The following FRMD4B variants were observed in gnomAD, a reference collection of about 807,000 sequenced individuals.
The protein encoded by FRMD4B is FERM domain-containing protein 4B.
Under a neutral mutation model 141.5 loss-of-function variants are expected in FRMD4B, and 74 were observed. The ratio of observed to expected loss-of-function variants is 0.52; its 90% CI spans 0.43 to 0.63. The LOEUF (loss-of-function observed/expected upper bound fraction) is 0.63. Ranked by LOEUF, FRMD4B falls within the 30% of genes least tolerant of loss-of-function variation. The pLI is 0.00. For synonymous variants in FRMD4B, 506 were observed against 467.9 expected (o/e 1.08, Z -1.05); for missense variants, 1,366 against 1,253.4 (o/e 1.09, Z -1.36).
chr3:69,518,879 CTT>C (rs1372982175), intron 1 of FRMD4B, among the ~76,000 whole-genome samples: 1 of 152,174 alleles, frequency 6.6e-6, no homozygotes, highest in Non-Finnish European at 1.5e-5. Context: ...TGGATGGACT[CTT>C]TGCAAAGAGT....
intron 1 of FRMD4B, among the ~76,000 whole-genome samples, chr3:69,538,578 C>A (rs1701118190): frequency 6.6e-6 from 1 of 152,028 alleles, no homozygotes; most frequent in Non-Finnish European, 1.5e-5. Context: ...TGGTAGTAAC[C>A]CACTAAATGG....
At chr3:69,222,037 C>T (rs1486751684) in intron 8 of FRMD4B, 114 bp from the exon 9 acceptor site, 7 of 685,860 alleles carry the variant, frequency 1.0e-5, no homozygotes, top group Admixed American at 6.5e-5. Flanking sequence ...CCTTCACCAA[C>T]TTGTTTGGTA....
chr3:69,535,335 G>A (rs1335345567), intron 1 of FRMD4B, among the ~76,000 whole-genome samples: 1 of 152,236 alleles, frequency 6.6e-6, no homozygotes, highest in Non-Finnish European at 1.5e-5. Context: ...TTCCTTGGCT[G>A]TACAGTGAGG....
chr3:69,375,242 CCCATCCATCCATCCACCCCATCCCAT>C lies in FRMD4B; in HGVS notation c.162+10560_162+10585del, dbSNP rs1354904853. ...CATCCCATCCATCCATCCACCCCATCCCATCCATCCATCCACCCCATCCCATCCATCCATCCATCCATCCATCCATC... is the reference window on the plus strand; with the variant it reads ...CATCCCATCCATCCATCCACCCCATCCCATCCATCCATCCATCCATCCATC... On this transcript the variant is annotated intron_variant, in intron 1 of 22. Transcript: ENST00000398540. Among the ~76,000 whole-genome samples the C allele has an allele frequency of 9.5e-3, 367 of 38,484 alleles. 4 individuals are homozygous for C. Among genetic ancestry groups the C allele is most frequent in the East Asian group, 0.021 (14 of 680 alleles). 25.2% of individuals were successfully genotyped at this position (38,484 alleles called of 152,430 possible). A position where few individuals can be genotyped will look rare whatever the true frequency, so the allele number is the denominator to read the frequency against.
intron 2 of FRMD4B, among the ~76,000 whole-genome samples, chr3:69,404,789 G>T (rs1208940220): frequency 6.6e-6 from 1 of 152,138 alleles, no homozygotes; most frequent in Non-Finnish European, 1.5e-5. Context: ...CAGTCAGATG[G>T]TTCAGAACCC....
At chr3:69,268,048 C>T (rs1424360406) in intron 5 of FRMD4B, among the ~76,000 whole-genome samples, 2 of 151,866 alleles carry the variant, frequency 1.3e-5, no homozygotes, top group Non-Finnish European at 2.9e-5. Flanking sequence ...AACTTTCCTC[C>T]CAATTCTTAT....
At chr3:69,285,033 C>T (rs1013760913) in intron 5 of FRMD4B, among the ~76,000 whole-genome samples, 2 of 152,018 alleles carry the variant, frequency 1.3e-5, no homozygotes, top group Non-Finnish European at 2.9e-5. Flanking sequence ...TGTGTTGGCA[C>T]ATGCCTGTAA....
chr3:69,418,741 C>T (rs531914015), intron 2 of FRMD4B, among the ~76,000 whole-genome samples: 59 of 152,100 alleles, frequency 3.9e-4, no homozygotes, highest in Non-Finnish European at 7.4e-4. Flanking sequence ...TAGCTCTGGC[C>T]AACATCTTAA....
At position 69,296,517 on chromosome 3, in the gene FRMD4B, G is replaced by A. The variant is rs1041485804; in HGVS notation, c.416+5826C>T. On this transcript the variant is annotated intron_variant, in intron 4 of 22. Coordinates refer to ENST00000398540, the MANE Select transcript of FRMD4B (RefSeq NM_015123.3). ...TAGGCTGGGCCAGTTAGGGGTCATG[G>A]GTGATACTGAGGCAACTGGCCTTTG... is the stretch of plus-strand genomic sequence containing the variant. 3.9e-5 allele frequency among the ~76,000 whole-genome samples: 6 copies of A among 152,246 alleles called. No individual in the cohort carries two copies. In the East Asian group the frequency reaches 1.2e-3, roughly 29 times the overall value.
At chr3:69,225,812 A>G (rs907604087) in intron 7 of FRMD4B, among the ~76,000 whole-genome samples, 3 of 151,790 alleles carry the variant, frequency 2.0e-5, no homozygotes, top group Admixed American at 2.0e-4. Flanking sequence ...GACATAATCT[A>G]TGAGGAAATG....
chr3:69,234,244 C>CAA (rs34192296), intron 7 of FRMD4B, among the ~76,000 whole-genome samples: 49 of 75,272 alleles, frequency 6.5e-4, no homozygotes, highest in African/African-American at 1.8e-3. Context: ...GACCCTGTCT[C>CAA]AAAAAAAAAA....
rs115895126 is a variant in FRMD4B at position 69,418,082 on chromosome 3, T to C, written c.-1+14552A>G. Among the ~76,000 whole-genome samples, 532 of 152,318 alleles carry C rather than the reference T, an allele frequency of 3.5e-3. 2 individuals are homozygous for C. Among genetic ancestry groups the C allele is most frequent in the Middle Eastern group, 0.01 (3 of 294 alleles). On this transcript the variant is annotated intron_variant, in intron 2 of 5. Transcript: ENST00000459638. Reference sequence around the variant, plus strand: ...AAACTTAACCACATCTGCAAAGTCTTTGATGTATATATATGGTAACATTTA... The same window carrying C: ...AAACTTAACCACATCTGCAAAGTCTCTGATGTATATATATGGTAACATTTA...
At chr3:69,235,685 A>G (rs535805576) in intron 7 of FRMD4B, among the ~76,000 whole-genome samples, 93 of 152,216 alleles carry the variant, frequency 6.1e-4, no homozygotes, top group African/African-American at 2.2e-3. Context: ...AGGAAAAAAA[A>G]AAAGAAATAC....
At position 69,182,595 on chromosome 3, in the gene FRMD4B, T is replaced by C. The variant is rs1349317718; in HGVS notation, c.2039+3A>G. The C allele has an allele frequency of 8.7e-6, 14 of 1,605,662 alleles. No homozygotes were observed. The South Asian group carries it at 1.4e-4, about 17-fold the overall frequency. Reference sequence around the variant, plus strand: ...TAAAGCAATGAGAAAGAAGCTCTCTTACTCCAAGTGGCTGCTGCTGTAGGC... The same window carrying C: ...TAAAGCAATGAGAAAGAAGCTCTCTCACTCCAAGTGGCTGCTGCTGTAGGC... On this transcript the variant is annotated splice_donor_region_variant and intron_variant, in intron 20 of 22. Coordinates refer to ENST00000398540, the MANE Select transcript of FRMD4B (RefSeq NM_015123.3).
At chr3:69,404,834 A>T (rs1250194095) in intron 2 of FRMD4B, among the ~76,000 whole-genome samples, 3 of 152,188 alleles carry the variant, frequency 2.0e-5, no homozygotes, top group Non-Finnish European at 4.4e-5. Context: ...GATGCAAGAG[A>T]TCTTGTTATA....
intron 1 of FRMD4B, among the ~76,000 whole-genome samples, chr3:69,502,119 T>A (rs1432028030): frequency 6.6e-6 from 1 of 152,138 alleles, no homozygotes; most frequent in Non-Finnish European, 1.5e-5. Flanking sequence ...AGGTAATTTA[T>A]AGATTCAATG....
chr3:69,239,794 C>T (rs1033805212), intron 7 of FRMD4B, among the ~76,000 whole-genome samples: 5 of 151,778 alleles, frequency 3.3e-5, no homozygotes, highest in Admixed American at 6.6e-5. Flanking sequence ...TGGTGGCTCA[C>T]GCCTGTAATC....
chr3:69,285,190 A>G (rs188495532), intron 5 of FRMD4B, among the ~76,000 whole-genome samples: 1 of 152,224 alleles, frequency 6.6e-6, no homozygotes, highest in East Asian at 1.9e-4. Flanking sequence ...CAAAAAAACA[A>G]AAACAAAAAC....
In FRMD4B at chr3:69,479,812, G is replaced by C. The variant is rs181321382; in HGVS notation, c.-128-47051C>G. On this transcript the variant is annotated intron_variant, in intron 1 of 5. Transcript: ENST00000459638. ...TATCTTGCAGATTGTTTTCCAACTT[G>C]GTTCCATTCACCCCGTTACTTTCAG... Among the ~76,000 whole-genome samples the C allele has an allele frequency of 2.7e-3, 406 of 152,240 alleles. 4 individuals are homozygous for C. The highest frequency in any genetic ancestry group is 9.2e-3 in the African/African-American group (382 of 41,542).
Sources: allele counts gnomAD v4.1 joint callset (sites outside exome capture counted in the v4.1 genomes callset), GRCh38; gene constraint gnomAD v4.1.1; transcripts MANE v1.5; gene names NCBI Gene and HGNC (gene_info 2026-07-23, HGNC 2026-07-21).